Variants in SNTG1 observed in about 807,000 individuals in gnomAD.
SNTG1 encodes the protein gamma-1-syntrophin.
A neutral mutation model predicts 74.7 loss-of-function variants in SNTG1; 39 were observed. That is an observed-to-expected ratio of 0.52 (90% CI 0.40 to 0.68). The LOEUF (loss-of-function observed/expected upper bound fraction) is 0.68, where lower values mean the gene tolerates loss of function less well. SNTG1 is among the 30% of genes least tolerant of loss of function. SNTG1 has a pLI of 0.00. For missense variants in SNTG1, 685 were observed against 609.5 expected, an observed-to-expected ratio of 1.12 and a Z score of -1.30; for synonymous variants, 254 against 217.1, an observed-to-expected ratio of 1.17 and a Z score of -1.49.
At position 50,795,430 on chromosome 8, in the gene SNTG1, A is replaced by T. The variant is rs1802765708; in HGVS notation, c.*2601A>T. The T allele has an allele frequency of 1.3e-5, 2 of 152,116 alleles. No homozygotes were observed. Among genetic ancestry groups the T allele is most frequent in the Admixed American group, 1.3e-4 (2 of 15,222 alleles). 9.4% of individuals were successfully genotyped at this position (152,116 alleles called of 1,614,324 possible). A position where few individuals can be genotyped will look rare whatever the true frequency, so the allele number is the denominator to read the frequency against. On this transcript the variant is annotated 3_prime_UTR_variant, in exon 19 of 19. Coordinates refer to ENST00000642720, the MANE Select transcript of SNTG1 (RefSeq NM_018967.5). ...AAACACTTAAAAATTTCTATCTCTC[A>T]TATAATTTAGGTTTACATGTAAGAG...
chr8:50,715,515 A>C (rs570040093), intron 17 of SNTG1, among the ~76,000 whole-genome samples: 1 of 152,308 alleles, frequency 6.6e-6, no homozygotes, highest in African/African-American at 2.4e-5. Flanking sequence ...ATTGGTTAAC[A>C]GATCTATGAA....
At chr8:50,679,074 T>G (rs796983384) in intron 15 of SNTG1, among the ~76,000 whole-genome samples, 4 of 152,252 alleles carry the variant, frequency 2.6e-5, no homozygotes, top group African/African-American at 9.6e-5. Context: ...TGTAGTATTA[T>G]TACAATATAA....
At chr8:49,935,542 A>G (rs1478324626) in intron 1 of SNTG1, among the ~76,000 whole-genome samples, 1 of 151,578 alleles carries the variant, frequency 6.6e-6, no homozygotes, top group Non-Finnish European at 1.5e-5. Context: ...AAAAAAAAGA[A>G]AAAGAAAAAA....
At position 50,795,862 on chromosome 8, in the gene SNTG1, T is replaced by TA. The variant is rs1802787502; in HGVS notation, c.*3034dup. On this transcript the variant is annotated 3_prime_UTR_variant, in exon 19 of 19. Coordinates refer to ENST00000642720, the MANE Select transcript of SNTG1 (RefSeq NM_018967.5). ...TAAGTGTAATGTATATCTGAACACT[T>TA]ATCCAGCTTTTTTAAAATGGGAGGA... 1 of 152,118 alleles carries TA rather than the reference T, an allele frequency of 6.6e-6. No homozygotes were observed. The highest frequency in any genetic ancestry group is 6.6e-5 in the Admixed American group (1 of 15,236). 9.4% of individuals were successfully genotyped at this position (152,118 alleles called of 1,614,324 possible). A position where few individuals can be genotyped will look rare whatever the true frequency, so the allele number is the denominator to read the frequency against.
At chr8:49,910,878 T>C (rs2129331900), upstream of SNTG1, 1 of 152,466 alleles carries the variant, frequency 6.6e-6, no homozygotes, top group East Asian at 1.9e-4. Flanking sequence ...AGCCGTTTTC[T>C]GCCCCCACTG....
chr8:50,613,315 A>G (rs1209230255), intron 13 of SNTG1, among the ~76,000 whole-genome samples: 1 of 152,206 alleles, frequency 6.6e-6, no homozygotes, highest in Non-Finnish European at 1.5e-5. Context: ...GAAATTTGGA[A>G]CAAGTAAAAT....
chr8:50,719,024 G>C (rs2095481402), intron 17 of SNTG1, among the ~76,000 whole-genome samples: 1 of 152,092 alleles, frequency 6.6e-6, no homozygotes, highest in African/African-American at 2.4e-5. Context: ...ACTGGCAACT[G>C]TGTGTTCATA....
rs148789134 is a variant in SNTG1, at chr8:50,513,349, G to T, written c.466+10469G>T. Among the ~76,000 whole-genome samples, 98 of 152,308 alleles carry T rather than the reference G, an allele frequency of 6.4e-4. 2 individuals carry two copies. In the East Asian group the frequency reaches 0.018, roughly 27 times the overall value. ...CTACTGGGGGGTGCCTCTCAGTTAG[G>T]CTACTCGGAGGACAGGGACCCACTT... is the stretch of plus-strand genomic sequence containing the variant. On this transcript the variant is annotated intron_variant, in intron 9 of 18. Transcript: ENST00000642720.
At chr8:50,034,818 G>A (rs920088802) in intron 1 of SNTG1, among the ~76,000 whole-genome samples, 1 of 152,124 alleles carries the variant, frequency 6.6e-6, no homozygotes, top group Non-Finnish European at 1.5e-5. Context: ...GCAGCCTGTG[G>A]GCCACAGGTT....
At chr8:50,073,527 A>C (rs779297326) in intron 1 of SNTG1, among the ~76,000 whole-genome samples, 48 of 152,092 alleles carry the variant, frequency 3.2e-4, no homozygotes, top group Non-Finnish European at 4.1e-4. Flanking sequence ...ACCTCCTCTC[A>C]TGAGTTCTGA....
At chr8:50,401,862 T>G (rs188353703) in intron 3 of SNTG1, among the ~76,000 whole-genome samples, 1 of 152,344 alleles carries the variant, frequency 6.6e-6, no homozygotes, top group Non-Finnish European at 1.5e-5. Flanking sequence ...TGTATGGAAT[T>G]TGAATTATAT....
At chr8:50,210,859 G>A (rs545922258) in intron 2 of SNTG1, among the ~76,000 whole-genome samples, 5 of 152,128 alleles carry the variant, frequency 3.3e-5, no homozygotes, top group African/African-American at 1.2e-4. Flanking sequence ...GAAATGACAG[G>A]TTAAAAAATG....
At chr8:50,524,935 T>C (rs747172327) in intron 9 of SNTG1, among the ~76,000 whole-genome samples, 3 of 152,152 alleles carry the variant, frequency 2.0e-5, no homozygotes, top group Non-Finnish European at 4.4e-5. Flanking sequence ...ACACCTTCAT[T>C]ATTCTGTATT....
chr8:50,438,635 A>C (rs768257069), intron 5 of SNTG1, 36 bp downstream of exon 5: 1 of 1,546,706 alleles, frequency 6.5e-7, no homozygotes, highest in South Asian at 1.1e-5. Context: ...TACAAAGGCC[A>C]TGCCATAAGA....
intron 9 of SNTG1, among the ~76,000 whole-genome samples, chr8:50,518,786 C>T (rs1312897135): frequency 6.6e-6 from 1 of 152,128 alleles, no homozygotes; most frequent in Admixed American, 6.5e-5. Flanking sequence ...AGGCCAATAA[C>T]AAGTTCTGAA....
chr8:50,205,187 C>A (rs1219056151), intron 2 of SNTG1, among the ~76,000 whole-genome samples: 1 of 152,210 alleles, frequency 6.6e-6, no homozygotes, highest in Admixed American at 6.5e-5. Flanking sequence ...GTCCCAACAG[C>A]AGTGTAAAAC....
chr8:50,228,781 T>C (rs564109229), intron 2 of SNTG1, among the ~76,000 whole-genome samples: 1 of 151,882 alleles, frequency 6.6e-6, no homozygotes, highest in South Asian at 2.1e-4. Flanking sequence ...ATGTTAAAAG[T>C]TCTTCAGGGA....
At chr8:50,714,990 A>G (rs755853986) in intron 17 of SNTG1, among the ~76,000 whole-genome samples, 130 of 152,286 alleles carry the variant, frequency 8.5e-4, no homozygotes, top group Middle Eastern at 6.8e-3. Flanking sequence ...TGTTATGGGC[A>G]CCTCCATTTT....
intron 1 of SNTG1, among the ~76,000 whole-genome samples, chr8:50,116,881 T>A (rs1409353152): frequency 6.6e-6 from 1 of 152,140 alleles, no homozygotes; most frequent in Admixed American, 6.6e-5. Context: ...ATCAGCAGAA[T>A]GACCTTCAGA....
Sources: gnomAD v4.1 joint callset for allele counts (sites outside exome capture counted in the v4.1 genomes callset) on GRCh38, gnomAD v4.1.1 for gene constraint, MANE v1.5 for transcripts, NCBI Gene and HGNC (gene_info 2026-07-23, HGNC 2026-07-21) for gene names.